Variants in DFFB observed in about 807,000 individuals in gnomAD.
DFFB encodes the protein DNA fragmentation factor subunit beta.
Under a neutral mutation model 32.7 loss-of-function variants are expected in DFFB, and 29 were observed. The observed-to-expected ratio is 0.89, with a 90% confidence interval of 0.66 to 1.21. The LOEUF (loss-of-function observed/expected upper bound fraction) is 1.21. DFFB is among the 50% of genes most tolerant of loss of function. The pLI is 0.00. For missense variants in DFFB, 398 were observed against 440.6 expected (o/e 0.90, Z 0.87); for synonymous variants, 170 against 177.1 (o/e 0.96, Z 0.32).
intron 6 of DFFB, among the ~76,000 whole-genome samples, chr1:3,876,463 G>C: frequency 6.6e-6 from 1 of 152,228 alleles, no homozygotes; most frequent in Non-Finnish European, 1.5e-5. Context: ...AGATAAGTGT[G>C]TTGGGTTTTA....
intron 6 of DFFB, among the ~76,000 whole-genome samples, chr1:3,879,996 G>T (rs1356695175): frequency 1.3e-5 from 2 of 152,232 alleles, no homozygotes; most frequent in Non-Finnish European, 2.9e-5. Flanking sequence ...GCCCTGGGAG[G>T]TAAACGCCAA....
chr1:3,859,893 A>G (rs1288586340), intron 2 of DFFB, among the ~76,000 whole-genome samples: 1 of 152,094 alleles, frequency 6.6e-6, no homozygotes, highest in Non-Finnish European at 1.5e-5. Flanking sequence ...GTTGAAAGAC[A>G]GCAGAGCACG....
At chr1:3,867,640 C>T (rs539384984) in intron 3 of DFFB, 48 of 259,160 alleles carry the variant, frequency 1.9e-4, no homozygotes, top group African/African-American at 9.6e-4. Context: ...ACAGCTTGAG[C>T]CCTGGAGTTC....
In DFFB at chr1:3,857,689, T is replaced by G. The variant is rs747235878; in HGVS notation, c.86T>G (p.Val29Gly). 1 of 1,575,896 alleles carries G rather than the reference T, an allele frequency of 6.3e-7. No individual in the cohort carries two copies. Among genetic ancestry groups the G allele is most frequent in the Non-Finnish European group, 8.6e-7 (1 of 1,161,952 alleles). ...GTGGCTGGCCGGAGCTGCCAGGAGG[T>G]GCTGCGCAAGGGCTGTCTCCGCTTC... Reference protein sequence around the residue: ...FGVAGRSCQEVLRKGCLRFQL... With the variant: ...FGVAGRSCQEGLRKGCLRFQL... Residue 29 changes from valine (V) to glycine (G), a missense_variant, in exon 1 of 7, where the codon GTG becomes GGG. Val to Gly is a moderately radical substitution (Grantham distance 109). Transcript: ENST00000378209.
chr1:3,867,175 C>T (rs1324371115), intron 3 of DFFB, among the ~76,000 whole-genome samples: 4 of 152,370 alleles, frequency 2.6e-5, no homozygotes, highest in East Asian at 1.9e-4. Context: ...GGATCACAGG[C>T]GTGAGCCACC....
chr1:3,884,182 C>A lies in DFFB; in HGVS notation c.*441C>A. On this transcript the variant is annotated 3_prime_UTR_variant, in exon 7 of 7. Coordinates refer to ENST00000378209, the MANE Select transcript of DFFB (RefSeq NM_004402.4). ...GACAGGTGTGAGCCACTGCGCCCAGCCTGAATCATTTCTTATACCTTCTGA... is the reference window on the plus strand; with the variant it reads ...GACAGGTGTGAGCCACTGCGCCCAGACTGAATCATTTCTTATACCTTCTGA... 1 of 205,822 alleles carries A rather than the reference C, an allele frequency of 4.9e-6. No individual in the cohort carries two copies. The highest frequency in any genetic ancestry group is 1.0e-5 in the Non-Finnish European group (1 of 100,366). 12.7% of individuals were successfully genotyped at this position (205,822 alleles called of 1,614,324 possible).
chr1:3,865,497 A>G lies in DFFB; in HGVS notation c.242-315A>G. On this transcript the variant is annotated intron_variant, in intron 2 of 6. Coordinates refer to ENST00000378209, the MANE Select transcript of DFFB (RefSeq NM_004402.4). This position sits in a 1 kb window ranked among gnomAD's most constrained non-coding sequence, Gnocchi z 4.7. ...GGATCTGAAAGCAAGGTCTCCAGGA[A>G]GGGCCAAAGTGGGGGGCGTATGGTT... 2.0e-6 allele frequency: 1 copy of G among 510,332 alleles called. No individual in the cohort carries two copies. The highest frequency in any genetic ancestry group is 2.1e-5 in the South Asian group (1 of 47,560). The allele number at this position is 510,332 out of a possible 1,614,324, so 31.6% of individuals were successfully genotyped here. A position where few individuals can be genotyped will look rare whatever the true frequency, so the allele number is the denominator to read the frequency against.
At position 3,858,806 on chromosome 1, in the gene DFFB, A is replaced by T; in HGVS notation, c.203A>T (p.Glu68Val). 1 of 1,613,978 alleles carries T rather than the reference A, an allele frequency of 6.2e-7. No homozygotes were observed. The highest frequency in any genetic ancestry group is 1.3e-5 in the African/African-American group (1 of 74,990). ...TTCCCCAGTGTTCCCGACAACGCCG[A>T]GCTGGTGCTGCTCACCTTGGGCCAG... Reference protein sequence around the residue: ...DYFPSVPDNAELVLLTLGQAW... With the variant: ...DYFPSVPDNAVLVLLTLGQAW... Residue 68 changes from glutamate (E) to valine (V), a missense_variant, in exon 2 of 7, where the codon GAG becomes GTG. Transcript: ENST00000378209.
In DFFB at chr1:3,883,583, G is replaced by A; in HGVS notation, c.859G>A (p.Glu287Lys). Residue 287 changes from glutamate (E) to lysine (K), a missense_variant, in exon 7 of 7, where the codon GAG becomes AAG. By Grantham distance (56) the Glu-to-Lys change is moderately conservative. Coordinates refer to ENST00000378209, the MANE Select transcript of DFFB (RefSeq NM_004402.4). The stretch of plus-strand genomic sequence containing the variant: ...ACAAGATGGAAGAGAAGTGGACTGG[G>A]AGTATTTTTATGGCCTGCTTTTTAC... ...KEQDGREVDW[E>K]YFYGLLFTSE... The A allele has an allele frequency of 6.2e-7, 1 of 1,614,174 alleles. No homozygotes were observed. Among genetic ancestry groups the A allele is most frequent in the Admixed American group, 1.7e-5 (1 of 60,008 alleles).
At position 3,858,808 on chromosome 1, in the gene DFFB, C is replaced by A. The variant is rs1438618481; in HGVS notation, c.205C>A (p.Leu69Met). 1.2e-6 allele frequency: 2 copies of A among 1,614,002 alleles called. No individual in the cohort carries two copies. The highest frequency in any genetic ancestry group is 2.7e-5 in the African/African-American group (2 of 74,932). Residue 69 changes from leucine to methionine, a missense_variant, in exon 2 of 7, where the codon CTG becomes ATG. Physicochemically the swap from Leu to Met is conservative, Grantham distance 15. Transcript: ENST00000378209. ...CCCCAGTGTTCCCGACAACGCCGAGCTGGTGCTGCTCACCTTGGGCCAGGC... is the reference window on the plus strand; with the variant it reads ...CCCCAGTGTTCCCGACAACGCCGAGATGGTGCTGCTCACCTTGGGCCAGGC... ...YFPSVPDNAE[L>M]VLLTLGQAWQ... is the part of the protein sequence containing the mutation.
intron 2 of DFFB, among the ~76,000 whole-genome samples, chr1:3,859,874 C>T (rs542660668): frequency 2.1e-4 from 32 of 152,274 alleles, no homozygotes; most frequent in African/African-American, 7.0e-4. Flanking sequence ...TTTCCCATTT[C>T]AGGGCATAGT....
At chr1:3,876,341 G>C (rs2124760724) in intron 6 of DFFB, among the ~76,000 whole-genome samples, 1 of 152,364 alleles carries the variant, frequency 6.6e-6, no homozygotes, top group South Asian at 2.1e-4. Flanking sequence ...TCCTAGAACA[G>C]AGTACAGATG....
intron 4 of DFFB, among the ~76,000 whole-genome samples, chr1:3,868,766 T>C (rs1645050610): frequency 7.3e-6 from 1 of 136,272 alleles, no homozygotes; most frequent in African/African-American, 2.8e-5. Context: ...TGGAGGGTGC[T>C]GTGGAGGCCC....
chr1:3,867,948 T>TGG lies in DFFB; in HGVS notation c.431-22_431-21dup, dbSNP rs751383491. On this transcript the variant is annotated intron_variant, in intron 3 of 6. Transcript: ENST00000378209. ...AGGCCCCTGGCCTGCCCTGTGGACT[T>TGG]GGGGGTCTTCTCGTTTTCCTTGCAG... is the stretch of plus-strand genomic sequence containing the variant. 7 of 1,612,680 alleles carry TGG rather than the reference T, an allele frequency of 4.3e-6. No homozygotes were observed. The South Asian group carries it at 7.7e-5, about 18-fold the overall frequency.
chr1:3,868,669 A>ACCAGGCCACACCACACCAGG lies in DFFB; in HGVS notation c.510+619_510+620insGGCCACACCACACCAGGCCA, dbSNP rs1553169091. Among the ~76,000 whole-genome samples the ACCAGGCCACACCACACCAGG allele has an allele frequency of 2.1e-4, 16 of 76,592 alleles. 1 individual carries two copies. The highest frequency in any genetic ancestry group is 4.8e-4 in the Non-Finnish European group (15 of 31,274). The allele number at this position is 76,592 out of a possible 152,430, so 50.2% of individuals were successfully genotyped here. Reference sequence around the variant, plus strand: ...GCCACACCACACCAGGCCACACCACACCACACCACGCCACACCACACCAGG... The same window carrying ACCAGGCCACACCACACCAGG: ...GCCACACCACACCAGGCCACACCACACCAGGCCACACCACACCAGGCCACACCACGCCACACCACACCAGG... On this transcript the variant is annotated intron_variant, in intron 4 of 6. Coordinates refer to ENST00000378209, the MANE Select transcript of DFFB (RefSeq NM_004402.4).
intron 1 of DFFB, among the ~76,000 whole-genome samples, chr1:3,858,096 C>G (rs1360674988): frequency 6.6e-6 from 1 of 152,208 alleles, no homozygotes; most frequent in Non-Finnish European, 1.5e-5. Flanking sequence ...TCTGCAGGCC[C>G]CTTCCAGCCC....
At chr1:3,861,774 G>A (rs1644885378) in intron 2 of DFFB, among the ~76,000 whole-genome samples, 1 of 152,334 alleles carries the variant, frequency 6.6e-6, no homozygotes, top group Middle Eastern at 3.4e-3. Context: ...CCTCTGGGGA[G>A]AATGCCCAGG....
At chr1:3,858,633 C>T in intron 1 of DFFB, 85 bp from the exon 2 acceptor site, 3 of 1,514,118 alleles carry the variant, frequency 2.0e-6, no homozygotes, top group East Asian at 2.3e-5. Flanking sequence ...AAGCACAGCT[C>T]ATTCCGGTCG....
intron 6 of DFFB, among the ~76,000 whole-genome samples, chr1:3,883,300 C>T (rs1053738891): frequency 1.4e-4 from 21 of 152,316 alleles, no homozygotes; most frequent in East Asian, 3.9e-4. Context: ...CCGCCGTGCC[C>T]GGCCACAAGT....
Sources: allele counts gnomAD v4.1 joint callset (sites outside exome capture counted in the v4.1 genomes callset), GRCh38; gene constraint gnomAD v4.1.1; non-coding constraint Gnocchi (gnomAD v3.1); transcripts MANE v1.5; gene names NCBI Gene and HGNC (gene_info 2026-07-23, HGNC 2026-07-21).